Variants in TAS2R7 observed in about 807,000 individuals in gnomAD.
TAS2R7 encodes the protein taste 2 receptor member 7.
For missense variants in TAS2R7, 403 were observed against 366.0 expected, an observed-to-expected ratio of 1.10 and a Z score of -0.82; for synonymous variants, 159 against 138.8, an observed-to-expected ratio of 1.15 and a Z score of -1.02.
chr12:10,801,828 T>G lies in TAS2R7; in HGVS notation c.743A>C (p.Tyr248Ser). Residue 248 changes from tyrosine to serine, a missense_variant, in exon 1 of 1, where the codon TAT becomes TCT. By Grantham distance (144) the Tyr-to-Ser change is moderately radical. Transcript: ENST00000240687. ...GGAGGTGGCAATGAGAAAGGACAAA[T>G]AGTAGGCAATAAAGAGGAGAAGGAA... is the stretch of plus-strand genomic sequence containing the variant. ...ISFLLLFIAY[Y>S]LSFLIATSSY... The G allele has an allele frequency of 1.2e-6, 2 of 1,613,842 alleles. No individual in the cohort carries two copies. Among genetic ancestry groups the G allele is most frequent in the East Asian group, 2.2e-5 (1 of 44,870 alleles).
rs1948690952 is a variant in TAS2R7, at chr12:10,801,970, A to G, written c.601T>C (p.Phe201Leu). The G allele has an allele frequency of 1.2e-6, 2 of 1,613,936 alleles. No individual in the cohort carries two copies. Among genetic ancestry groups the G allele is most frequent in the Non-Finnish European group, 1.7e-6 (2 of 1,179,956 alleles). The change falls in exon 1 of 1, where the codon TTT becomes CTT. Residue 201 changes from phenylalanine (F) to leucine (L), a missense_variant. Phe to Leu is a conservative substitution (Grantham distance 22). Coordinates refer to ENST00000240687, the MANE Select transcript of TAS2R7 (RefSeq NM_023919.2). Reference protein sequence around the residue: ...LLPFCVCLMSFFLLILSLRRH... With the variant: ...LLPFCVCLMSLFLLILSLRRH... ...CGCAGGGAGAGGATCAAGAGGAAAAAGGACATTAGGCACACACAAAAGGGG... is the reference window on the plus strand; with the variant it reads ...CGCAGGGAGAGGATCAAGAGGAAAAGGGACATTAGGCACACACAAAAGGGG...
In TAS2R7 at chr12:10,802,159, C is replaced by G; in HGVS notation, c.412G>C (p.Val138Leu). 1.2e-6 allele frequency: 2 copies of G among 1,613,704 alleles called. No homozygotes were observed. Among genetic ancestry groups the G allele is most frequent in the South Asian group, 1.1e-5 (1 of 91,042 alleles). Residue 138 changes from valine to leucine, a missense_variant, in exon 1 of 1, where the codon GTG becomes CTG. Transcript: ENST00000240687. ...AGGCTAATAAACACAGAGAGAACCA[C>G]GCACCCCAGTAGAATCCAGGAAATC... ...RVISWILLGC[V>L]VLSVFISLPA...
Position 10,802,010 on chromosome 12 carries a change from G to T in TAS2R7, c.561C>A (p.Asn187Lys), listed in dbSNP as rs1252309777. 6.2e-7 allele frequency: 1 copy of T among 1,613,754 alleles called. No individual in the cohort carries two copies. The highest frequency in any genetic ancestry group is 8.5e-7 in the Non-Finnish European group (1 of 1,179,950). The change falls in exon 1 of 1, where the codon AAC becomes AAA. Residue 187 changes from asparagine to lysine, a missense_variant. Coordinates refer to ENST00000240687, the MANE Select transcript of TAS2R7 (RefSeq NM_023919.2). ...CACAAAAGGGGAGCAGCGTTGCCAGGTTGAGAAATAACTTGGTAGAAGCAT... is the reference window on the plus strand; with the variant it reads ...CACAAAAGGGGAGCAGCGTTGCCAGTTTGAGAAATAACTTGGTAGAAGCAT... ...TQHASTKLFL[N>K]LATLLPFCVC...
Position 10,802,120 on chromosome 12 carries a change from T to G in TAS2R7, c.451A>C (p.Asn151His). The change falls in exon 1 of 1, where the codon AAT (asparagine) becomes CAT (histidine). Residue 151 changes from asparagine to histidine, a missense_variant. Coordinates refer to ENST00000240687, the MANE Select transcript of TAS2R7 (RefSeq NM_023919.2). ...CAAAACCTGAAATCAGCGTTCAAATTCTCAGTGGCTGGAAGGCTAATAAAC... is the reference window on the plus strand; with the variant it reads ...CAAAACCTGAAATCAGCGTTCAAATGCTCAGTGGCTGGAAGGCTAATAAAC... Reference protein sequence around the residue: ...SVFISLPATENLNADFRFCVK... With the variant: ...SVFISLPATEHLNADFRFCVK... The G allele has an allele frequency of 6.2e-7, 1 of 1,613,896 alleles. No homozygotes were observed.
rs150192473 is a variant in TAS2R7, at chr12:10,801,931, G to A, written c.640C>T (p.Arg214Ter). The A allele has an allele frequency of 2.5e-3, 3,977 of 1,613,900 alleles. 151 individuals are homozygous for A. The Admixed American group carries it at 0.056, about 23-fold the overall frequency. Residue 214 changes from arginine (R) to a stop codon, truncating the protein, a stop_gained, in exon 1 of 1, where the codon CGA (arginine) becomes TGA (stop). Coordinates refer to ENST00000240687, the MANE Select transcript of TAS2R7 (RefSeq NM_023919.2). LOFTEE classifies it low-confidence loss of function (END_TRUNC). ...CACCCTGTGGCACTGAGCTGCATTCGCCTGATATGTCTCCGCAGGGAGAGG... is the reference window on the plus strand; with the variant it reads ...CACCCTGTGGCACTGAGCTGCATTCACCTGATATGTCTCCGCAGGGAGAGG... Reference protein sequence around the residue: ...LILSLRRHIRRMQLSATGCRD... With the variant: ...LILSLRRHIR
Position 10,802,212 on chromosome 12 carries a change from A to T in TAS2R7, c.359T>A (p.Leu120His), listed in dbSNP as rs202246571. The change falls in exon 1 of 1, where the codon CTC (leucine) becomes CAC (histidine). Residue 120 changes from leucine (L) to histidine (H), a missense_variant. Leu to His is a moderately conservative substitution (Grantham distance 99). Coordinates refer to ENST00000240687, the MANE Select transcript of TAS2R7 (RefSeq NM_023919.2). ...KIGNFFHPLF[L>H]WMKWRIDRVI... ...CCTGTCAATTCTCCACTTCATCCAG[A>T]GGAAAAGTGGGTGAAAGAAATTACC... 938 of 1,613,780 alleles carry T rather than the reference A, an allele frequency of 5.8e-4. 10 individuals carry two copies. The South Asian group carries it at 9.5e-3, about 16-fold the overall frequency.
At position 10,801,676 on chromosome 12, in the gene TAS2R7, C is replaced by A; in HGVS notation, c.895G>T (p.Val299Leu). 1 of 1,613,222 alleles carries A rather than the reference C, an allele frequency of 6.2e-7. No individual in the cohort carries two copies. The highest frequency in any genetic ancestry group is 8.5e-7 in the Non-Finnish European group (1 of 1,179,276). ...NNKLRHASLK[V>L]IWKVMSILKG... is the part of the protein sequence containing the mutation. ...AGAATAGACATTACTTTCCAAATCA[C>A]CTTTAGAGATGCATGTCTTAATTTA... is the stretch of plus-strand genomic sequence containing the variant. The change falls in exon 1 of 1, where the codon GTG (valine) becomes TTG (leucine). Residue 299 changes from valine to leucine, a missense_variant. Transcript: ENST00000240687.
At position 10,801,714 on chromosome 12, in the gene TAS2R7, A is replaced by G; in HGVS notation, c.857T>C (p.Ile286Thr). ...ATGTCTTAATTTATTGTTCCCCAGT[A>G]TTAGGATAAATGAATGACTTGAGGG... The part of the protein sequence containing the change: ...IYPSSHSFIL[I>T]LGNNKLRHAS... The change falls in exon 1 of 1, where the codon ATA becomes ACA. Residue 286 changes from isoleucine (I) to threonine (T), a missense_variant. Ile to Thr is a moderately conservative substitution (Grantham distance 89). Transcript: ENST00000240687. 1.9e-6 allele frequency: 3 copies of G among 1,613,696 alleles called. No homozygotes were observed. Among genetic ancestry groups the G allele is most frequent in the East Asian group, 4.5e-5 (2 of 44,878 alleles).
At position 10,802,156 on chromosome 12, in the gene TAS2R7, C is replaced by G. The variant is rs372801882; in HGVS notation, c.415G>C (p.Val139Leu). The G allele has an allele frequency of 5.0e-6, 8 of 1,613,580 alleles. No individual in the cohort carries two copies. The highest frequency in any genetic ancestry group is 2.2e-5 in the East Asian group (1 of 44,846). ...VISWILLGCV[V>L]LSVFISLPAT... Reference sequence around the variant, plus strand: ...GGAAGGCTAATAAACACAGAGAGAACCACGCACCCCAGTAGAATCCAGGAA... The same window carrying G: ...GGAAGGCTAATAAACACAGAGAGAAGCACGCACCCCAGTAGAATCCAGGAA... Residue 139 changes from valine to leucine, a missense_variant, in exon 1 of 1, where the codon GTT becomes CTT. Val to Leu is a conservative substitution (Grantham distance 32, BLOSUM62 1). Transcript: ENST00000240687.
chr12:10,802,464 AC>A lies in TAS2R7; in HGVS notation c.106del (p.Val36SerfsTer11), dbSNP rs1204685970. The A allele has an allele frequency of 6.2e-7, 1 of 1,614,008 alleles. No individual in the cohort carries two copies. The highest frequency in any genetic ancestry group is 8.5e-7 in the Non-Finnish European group (1 of 1,179,934). On this transcript the variant is annotated frameshift_variant, in exon 1 of 1. Transcript: ENST00000240687. LOFTEE classifies it low-confidence loss of function (END_TRUNC). ...FIGLVNCMDW[V>X]KKRKIASIDL... is the part of the protein sequence containing the mutation. ...AATGGAGGCAATTTTCCTCTTCTTG[AC>A]CCAGTCCATGCAGTTTACCAATCCA...
rs1201607484 is a variant in TAS2R7, at chr12:10,802,251, T to C, written c.320A>G (p.Tyr107Cys). 6 of 1,613,728 alleles carry C rather than the reference T, an allele frequency of 3.7e-6. No homozygotes were observed. The highest frequency in any genetic ancestry group is 1.7e-5 in the Admixed American group (1 of 59,914). Reference sequence around the variant, plus strand: ...AAAGAAATTACCTATCTTGAAGAAATAGTAAATGCTGAGGCAGGTTGCAAA... The same window carrying C: ...AAAGAAATTACCTATCTTGAAGAAACAGTAAATGCTGAGGCAGGTTGCAAA... ...IWFATCLSIY[Y>C]FFKIGNFFHP... The change falls in exon 1 of 1, where the codon TAT (tyrosine) becomes TGT (cysteine). Residue 107 changes from tyrosine (Y) to cysteine (C), a missense_variant. By Grantham distance (194) the Tyr-to-Cys change is radical (BLOSUM62 -2). Coordinates refer to ENST00000240687, the MANE Select transcript of TAS2R7 (RefSeq NM_023919.2).
chr12:10,801,620 T>A lies in TAS2R7; in HGVS notation c.951A>T (p.Gln317His). 6.4e-7 allele frequency: 1 copy of A among 1,556,732 alleles called. No homozygotes were observed. The highest frequency in any genetic ancestry group is 8.8e-7 in the Non-Finnish European group (1 of 1,135,160). ...AGAAAAGCATAGTTTCTCTTCAGAT[T>A]TGTTTATGTTGTTGGAATTTTCTTC... Reference protein sequence around the residue: ...LKGRKFQQHKQI With the variant: ...LKGRKFQQHKHI The change falls in exon 1 of 1, where the codon CAA becomes CAT. Residue 317 changes from glutamine (Q) to histidine (H), a missense_variant. Physicochemically the swap from Gln to His is conservative, Grantham distance 24. Transcript: ENST00000240687.
chr12:10,801,718 G>T lies in TAS2R7; in HGVS notation c.853C>A (p.Leu285Ile), dbSNP rs1158661413. The T allele has an allele frequency of 2.5e-6, 4 of 1,613,526 alleles. No individual in the cohort carries two copies. The highest frequency in any genetic ancestry group is 3.4e-6 in the Non-Finnish European group (4 of 1,179,720). The change falls in exon 1 of 1, where the codon CTA becomes ATA. Residue 285 changes from leucine to isoleucine, a missense_variant. Transcript: ENST00000240687. ...CTTAATTTATTGTTCCCCAGTATTA[G>T]GATAAATGAATGACTTGAGGGGTAG... ...LIYPSSHSFI[L>I]ILGNNKLRHA...
Position 10,801,655 on chromosome 12 carries a change from T to C in TAS2R7, c.916A>G (p.Ile306Val), listed in dbSNP as rs768003221. Residue 306 changes from isoleucine to valine, a missense_variant, in exon 1 of 1, where the codon ATT becomes GTT. Coordinates refer to ENST00000240687, the MANE Select transcript of TAS2R7 (RefSeq NM_023919.2). ...TGTTGGAATTTTCTTCCTTTTAGAATAGACATTACTTTCCAAATCACCTTT... is the reference window on the plus strand; with the variant it reads ...TGTTGGAATTTTCTTCCTTTTAGAACAGACATTACTTTCCAAATCACCTTT... The part of the protein sequence containing the change: ...SLKVIWKVMS[I>V]LKGRKFQQHK... The C allele has an allele frequency of 1.2e-5, 20 of 1,610,652 alleles. No individual in the cohort carries two copies. Among genetic ancestry groups the C allele is most frequent in the Non-Finnish European group, 1.4e-5 (17 of 1,177,740 alleles).
In TAS2R7 at chr12:10,801,562, T is replaced by C; in HGVS notation, c.*52A>G. On this transcript the variant is annotated 3_prime_UTR_variant, in exon 1 of 1. Transcript: ENST00000240687. The stretch of plus-strand genomic sequence containing the variant: ...TAAAACATTAATGCAAGAACTGAAG[T>C]TAATTTAGAAACATCTTATCTTTGT... The C allele has an allele frequency of 5.1e-6, 6 of 1,180,922 alleles. No individual in the cohort carries two copies. Among genetic ancestry groups the C allele is most frequent in the Non-Finnish European group, 7.2e-6 (6 of 833,116 alleles). The allele number at this position is 1,180,922 out of a possible 1,614,324, so 73.2% of individuals were successfully genotyped here.
In TAS2R7 at chr12:10,801,859, T is replaced by C. The variant is rs917213255; in HGVS notation, c.712A>G (p.Ile238Val). The C allele has an allele frequency of 3.1e-6, 5 of 1,613,794 alleles. No homozygotes were observed. The African/African-American group carries it at 4.0e-5, about 13-fold the overall frequency. ...GCAATAAAGAGGAGAAGGAAGGAAA[T>C]GACAGCTTTCAGGGCTCTCACATGG... Reference protein sequence around the residue: ...EAHVRALKAVISFLLLFIAYY... With the variant: ...EAHVRALKAVVSFLLLFIAYY... The change falls in exon 1 of 1, where the codon ATT becomes GTT. Residue 238 changes from isoleucine to valine, a missense_variant. Coordinates refer to ENST00000240687, the MANE Select transcript of TAS2R7 (RefSeq NM_023919.2).
Position 10,802,082 on chromosome 12 carries a change from C to A in TAS2R7, c.489G>T (p.Lys163Asn). 2.5e-6 allele frequency: 4 copies of A among 1,613,938 alleles called. No homozygotes were observed. Among genetic ancestry groups the A allele is most frequent in the Non-Finnish European group, 3.4e-6 (4 of 1,179,966 alleles). ...AACTCCAAGTTAAGTTTGTTTTCCT[C>A]TTTGCCTTCACACAAAACCTGAAAT... is the stretch of plus-strand genomic sequence containing the variant. ...NADFRFCVKA[K>N]RKTNLTWSCR... The change falls in exon 1 of 1, where the codon AAG becomes AAT. Residue 163 changes from lysine (K) to asparagine (N), a missense_variant. By Grantham distance (94) the Lys-to-Asn change is moderately conservative (BLOSUM62 0). Coordinates refer to ENST00000240687, the MANE Select transcript of TAS2R7 (RefSeq NM_023919.2).
rs1421008982 is a variant in TAS2R7 at position 10,801,713 on chromosome 12, T to C, written c.858A>G (p.Ile286Met). 2.5e-6 allele frequency: 4 copies of C among 1,613,694 alleles called. No individual in the cohort carries two copies. Among genetic ancestry groups the C allele is most frequent in the Non-Finnish European group, 1.7e-6 (2 of 1,179,696 alleles). ...CATGTCTTAATTTATTGTTCCCCAG[T>C]ATTAGGATAAATGAATGACTTGAGG... is the stretch of plus-strand genomic sequence containing the variant. ...IYPSSHSFIL[I>M]LGNNKLRHAS... is the part of the protein sequence containing the mutation. The change falls in exon 1 of 1, where the codon ATA becomes ATG. Residue 286 changes from isoleucine to methionine, a missense_variant. Coordinates refer to ENST00000240687, the MANE Select transcript of TAS2R7 (RefSeq NM_023919.2).
Position 10,802,430 on chromosome 12 carries a change from G to T in TAS2R7, c.141C>A (p.Ile47=), listed in dbSNP as rs761104881. 5 of 1,613,906 alleles carry T rather than the reference G, an allele frequency of 3.1e-6. No homozygotes were observed. Among genetic ancestry groups the T allele is most frequent in the East Asian group, 2.2e-5 (1 of 44,872 alleles). The part of the protein sequence containing the change: ...KKRKIASIDL[I]LTSLAISRIC... ...TTCTGGATATGGCCAGACTTGTGAG[G>T]ATTAAATCAATGGAGGCAATTTTCC... is the stretch of plus-strand genomic sequence containing the variant. Residue 47 remains isoleucine, a synonymous_variant, in exon 1 of 1, where the codon ATC becomes ATA. Coordinates refer to ENST00000240687, the MANE Select transcript of TAS2R7 (RefSeq NM_023919.2).
Sources: gnomAD v4.1 joint callset for allele counts on GRCh38, gnomAD v4.1.1 for gene constraint, MANE v1.5 for transcripts, NCBI Gene and HGNC (gene_info 2026-07-23, HGNC 2026-07-21) for gene names.